FAM120A: variants seen among roughly 807,000 people sequenced by gnomAD.
FAM120A encodes constitutive coactivator of PPAR-gamma-like protein 1.
Under a neutral mutation model 109.7 loss-of-function variants are expected in FAM120A, and 15 were observed. That is an observed-to-expected ratio of 0.14 (90% CI 0.09 to 0.21). The LOEUF is 0.21. Ranked by LOEUF, FAM120A falls within the 10% of genes least tolerant of loss-of-function variation. FAM120A has a pLI of 1.00. For missense variants in FAM120A, 899 were observed against 1,439.3 expected (o/e 0.62, Z 6.07); for synonymous variants, 493 against 572.8 (o/e 0.86, Z 1.99).
chr9:93,504,835 C>T (rs541344357), intron 5 of FAM120A, among the ~76,000 whole-genome samples: 12 of 152,202 alleles, frequency 7.9e-5, no homozygotes, highest in African/African-American at 1.7e-4. Flanking sequence ...CTGCTGCTGC[C>T]GGACACGGAT....
intron 10 of FAM120A, among the ~76,000 whole-genome samples, chr9:93,536,276 T>C (rs1019710220): frequency 5.3e-5 from 8 of 152,206 alleles, no homozygotes; most frequent in African/African-American, 1.7e-4. Flanking sequence ...GCCATGTCCC[T>C]GTGAAGGATC....
chr9:93,466,038 C>T (rs763538185), intron 1 of FAM120A, among the ~76,000 whole-genome samples: 46 of 152,234 alleles, frequency 3.0e-4, no homozygotes, highest in African/African-American at 9.4e-4. Context: ...GGCATTGACT[C>T]GGCTTAGCAC....
In FAM120A at chr9:93,527,238, C is replaced by T. The variant is rs775739842; in HGVS notation, c.1502C>T (p.Thr501Ile). 12 of 1,613,546 alleles carry T rather than the reference C, an allele frequency of 7.4e-6. No individual in the cohort carries two copies. Among genetic ancestry groups the T allele is most frequent in the Non-Finnish European group, 9.3e-6 (11 of 1,179,564 alleles). Residue 501 changes from threonine to isoleucine, a missense_variant, in exon 8 of 18, where the codon ACA (threonine) becomes ATA (isoleucine). Physicochemically the swap from Thr to Ile is moderately conservative, Grantham distance 89 (BLOSUM62 -1). Transcript: ENST00000277165. Reference protein sequence around the residue: ...PQARGDPGDQTKAEGSSTASS... With the variant: ...PQARGDPGDQIKAEGSSTASS... ...GCACGAGGAGACCCAGGAGACCAAA[C>T]AAAGGTAGAAAGTCTATGCCTTTTA...
intron 10 of FAM120A, among the ~76,000 whole-genome samples, chr9:93,538,743 A>G (rs1156309256): frequency 3.9e-5 from 6 of 152,220 alleles, no homozygotes; most frequent in Admixed American, 2.6e-4. Context: ...GGCTTACAAA[A>G]TGAACCATGT....
chr9:93,490,802 A>G (rs1385820341), intron 3 of FAM120A, among the ~76,000 whole-genome samples: 4 of 152,218 alleles, frequency 2.6e-5, no homozygotes, highest in Non-Finnish European at 4.4e-5. Flanking sequence ...CTTCCTTAAG[A>G]CGCCCCTTGA....
At chr9:93,455,028 A>G (rs1444464822) in intron 1 of FAM120A, among the ~76,000 whole-genome samples, 3 of 152,326 alleles carry the variant, frequency 2.0e-5, no homozygotes, top group East Asian at 1.9e-4. Context: ...CGATCCAGCA[A>G]TTCCACTCCT....
chr9:93,474,290 C>T (rs1564313940), intron 2 of FAM120A, among the ~76,000 whole-genome samples: 2 of 151,800 alleles, frequency 1.3e-5, no homozygotes, highest in African/African-American at 2.4e-5. Flanking sequence ...CAGGTTCAAG[C>T]GATTCTCATG....
At chr9:93,507,422 C>T (rs1052873503) in intron 5 of FAM120A, among the ~76,000 whole-genome samples, 12 of 151,892 alleles carry the variant, frequency 7.9e-5, no homozygotes, top group African/African-American at 2.4e-4. Context: ...GTTTTGGATA[C>T]GAATGTTGAG....
rs1339018635 is a variant in FAM120A at position 93,498,495 on chromosome 9, G to T, written c.934-295G>T. Among the ~76,000 whole-genome samples, 1 of 152,170 alleles carries T rather than the reference G, an allele frequency of 6.6e-6. No homozygotes were observed. Among genetic ancestry groups the T allele is most frequent in the African/African-American group, 2.4e-5 (1 of 41,444 alleles). On this transcript the variant is annotated intron_variant, in intron 4 of 17. Transcript: ENST00000277165. The surrounding 1 kb of genome is among the most constrained non-coding windows in gnomAD (Gnocchi z 4.4). ...TGGCTTGAGATTCCTCTCTGGGCAG[G>T]ACCAGAGACCGAGCAGAGTGGAAGT...
intron 3 of FAM120A, among the ~76,000 whole-genome samples, chr9:93,496,492 T>G (rs764666269): frequency 6.6e-6 from 1 of 152,248 alleles, no homozygotes; most frequent in Non-Finnish European, 1.5e-5. Flanking sequence ...CCTTTCCTTG[T>G]ATGTTAACAT....
intron 5 of FAM120A, among the ~76,000 whole-genome samples, chr9:93,512,996 C>A (rs984002244): frequency 8.6e-5 from 13 of 151,974 alleles, no homozygotes; most frequent in African/African-American, 3.1e-4. Flanking sequence ...GATGAAATGG[C>A]CAAAAATCAA....
intron 1 of FAM120A, among the ~76,000 whole-genome samples, chr9:93,463,407 T>A (rs901031185): frequency 1.3e-5 from 2 of 152,244 alleles, no homozygotes; most frequent in African/African-American, 4.8e-5. Flanking sequence ...CAGCTATGAT[T>A]TCAGCTTACC....
intron 11 of FAM120A, among the ~76,000 whole-genome samples, chr9:93,544,906 C>T (rs115853227): frequency 9.9e-5 from 15 of 152,098 alleles, no homozygotes; most frequent in South Asian, 8.3e-4. Context: ...CTTTTGTAAC[C>T]GTCTCACATG....
intron 5 of FAM120A, among the ~76,000 whole-genome samples, chr9:93,513,127 A>G (rs1395504361): frequency 6.6e-6 from 1 of 152,250 alleles, no homozygotes; most frequent in African/African-American, 2.4e-5. Flanking sequence ...TAGACATTTT[A>G]CATTGATTTA....
Position 93,550,654 on chromosome 9 carries a change from C to G in FAM120A, c.2237C>G (p.Pro746Arg). 1 of 1,613,938 alleles carries G rather than the reference C, an allele frequency of 6.2e-7. No individual in the cohort carries two copies. The highest frequency in any genetic ancestry group is 8.5e-7 in the Non-Finnish European group (1 of 1,180,020). ...LDAFLAQALS[P>R]KLYEPDQLQE... ...GCCTTCCTGGCTCAGGCGCTGTCCC[C>G]CAAACTCTACGAGCCTGATCAGCTC... Residue 746 changes from proline to arginine, a missense_variant, in exon 12 of 18, where the codon CCC (proline) becomes CGC (arginine). Physicochemically the swap from Pro to Arg is moderately radical, Grantham distance 103 (BLOSUM62 -2). Transcript: ENST00000277165.
chr9:93,485,099 G>T (rs116911350), intron 3 of FAM120A, among the ~76,000 whole-genome samples: 2,404 of 152,188 alleles, frequency 0.016, 47 homozygotes, highest in Middle Eastern at 0.031. Flanking sequence ...CCATGTCCTA[G>T]TCCTAGTCCT....
intron 3 of FAM120A, among the ~76,000 whole-genome samples, chr9:93,496,891 G>C (rs1246824820): frequency 6.6e-6 from 1 of 152,100 alleles, no homozygotes; most frequent in Admixed American, 6.5e-5. Flanking sequence ...GATATTCTTT[G>C]TCACTTTCCT....
Position 93,532,362 on chromosome 9 carries a change from C to T in FAM120A, c.1909+33C>T. On this transcript the variant is annotated intron_variant, in intron 10 of 17. Transcript: ENST00000277165. This position sits in a 1 kb window ranked among gnomAD's most constrained non-coding sequence, Gnocchi z 4.3. ...CTGTAACAATCCATTGTTTGTTTTC[C>T]TCGGTACCTCGTAATCTCTTGTGCA... 1 of 1,605,246 alleles carries T rather than the reference C, an allele frequency of 6.2e-7. No individual in the cohort carries two copies. The highest frequency in any genetic ancestry group is 2.2e-5 in the East Asian group (1 of 44,840).
chr9:93,563,444 T>C (rs574873335), intron 17 of FAM120A, among the ~76,000 whole-genome samples: 1 of 152,322 alleles, frequency 6.6e-6, no homozygotes, highest in South Asian at 2.1e-4. Flanking sequence ...GCACTGGATT[T>C]TAATGGGTGA....
Sources: gnomAD v4.1 joint callset for allele counts (sites outside exome capture counted in the v4.1 genomes callset) on GRCh38, gnomAD v4.1.1 for gene constraint, Gnocchi (gnomAD v3.1) non-coding constraint, MANE v1.5 for transcripts, NCBI Gene and HGNC (gene_info 2026-07-23, HGNC 2026-07-21) for gene names.